The following SLC38A6 variants were observed in gnomAD, a reference collection of about 807,000 sequenced individuals.
The protein encoded by SLC38A6 is solute carrier family 38 member 6.
Under a neutral mutation model 65.0 loss-of-function variants are expected in SLC38A6, and 73 were observed. The ratio of observed to expected loss-of-function variants is 1.12; its 90% CI spans 0.93 to 1.37. SLC38A6 has a LOEUF of 1.37. Among genes scored for constraint, SLC38A6 ranks in the 40% most tolerant of loss-of-function variants. The pLI, the probability that SLC38A6 is intolerant of heterozygous loss-of-function variation, is 0.00. For missense variants in SLC38A6, 561 were observed against 531.1 expected, an observed-to-expected ratio of 1.06 and a Z score of -0.55; for synonymous variants, 183 against 178.8, an observed-to-expected ratio of 1.02 and a Z score of -0.19.
chr14:61,043,230 C>G lies in SLC38A6; in HGVS notation c.690+18C>G, dbSNP rs752241058. ...GTTTCCAGGTAATAGCTTATATTTT[C>G]TTTTCAGTTTCTTCCTTTTTATTTT... On this transcript the variant is annotated intron_variant, in intron 9 of 15. Transcript: ENST00000267488. 5.0e-6 allele frequency: 7 copies of G among 1,403,600 alleles called. No homozygotes were observed. The South Asian group carries it at 9.0e-5, about 18-fold the overall frequency. 86.9% of individuals were successfully genotyped at this position (1,403,600 alleles called of 1,614,324 possible).
intron 3 of SLC38A6, among the ~76,000 whole-genome samples, chr14:61,012,853 G>A (rs1279016656): frequency 3.9e-5 from 6 of 152,256 alleles, no homozygotes; most frequent in Non-Finnish European, 7.4e-5. Flanking sequence ...AAAAGAATGT[G>A]TATTCTGTTG....
chr14:61,009,459 C>A lies in SLC38A6; in HGVS notation c.311-6445C>A, dbSNP rs538537890. On this transcript the variant is annotated intron_variant, in intron 3 of 15. Transcript: ENST00000267488. Reference sequence around the variant, plus strand: ...CGTGCAGGTTTGTTACATATGGATACATGTGCCATGTTGGCGTGCCGCACC... The same window carrying A: ...CGTGCAGGTTTGTTACATATGGATAAATGTGCCATGTTGGCGTGCCGCACC... Among the ~76,000 whole-genome samples, 4 of 152,240 alleles carry A rather than the reference C, an allele frequency of 2.6e-5. No individual in the cohort carries two copies. In the East Asian group the frequency reaches 7.7e-4, roughly 29 times the overall value.
intron 4 of SLC38A6, among the ~76,000 whole-genome samples, chr14:61,016,896 C>T (rs541765039): frequency 6.6e-6 from 1 of 152,164 alleles, no homozygotes; most frequent in East Asian, 1.9e-4. Flanking sequence ...ACATACTTAC[C>T]ATTTTTTGTT....
chr14:61,046,854 A>G (rs2042180113), intron 12 of SLC38A6, among the ~76,000 whole-genome samples: 1 of 152,190 alleles, frequency 6.6e-6, no homozygotes, highest in Admixed American at 6.5e-5. Flanking sequence ...CATTATTTCC[A>G]ATGTGAGCAT....
At chr14:60,982,785 C>T (rs1334905826) in intron 2 of SLC38A6, 147 bp downstream of exon 2, 1 of 889,760 alleles carries the variant, frequency 1.1e-6, no homozygotes, top group Non-Finnish European at 1.6e-6. Context: ...ATTCTTGTTG[C>T]TAGTGTGTAC....
intron 5 of SLC38A6, among the ~76,000 whole-genome samples, chr14:61,022,630 T>C (rs1209425121): frequency 2.0e-5 from 3 of 152,102 alleles, no homozygotes; most frequent in African/African-American, 7.2e-5. Context: ...TTTTTACACA[T>C]CTTAAGTGCC....
chr14:60,995,911 A>G (rs1380693841), intron 3 of SLC38A6, among the ~76,000 whole-genome samples: 3 of 152,224 alleles, frequency 2.0e-5, no homozygotes, highest in Non-Finnish European at 4.4e-5. Flanking sequence ...CCTCACCTTT[A>G]GGACAGTGAA....
intron 1 of SLC38A6, 92 bp downstream of exon 1, chr14:60,981,474 G>A: frequency 1.3e-6 from 2 of 1,539,980 alleles, no homozygotes; most frequent in Non-Finnish European, 8.7e-7. Context: ...GGACCGCACC[G>A]GGACAGGGGA....
At chr14:61,015,508 A>T (rs1398394741) in intron 3 of SLC38A6, among the ~76,000 whole-genome samples, 1 of 89,396 alleles carries the variant, frequency 1.1e-5, no homozygotes, top group African/African-American at 4.1e-5. Context: ...TGAGAGAAAG[A>T]ATCTTTCAGA....
At chr14:61,013,452 G>T (rs1055548964) in intron 3 of SLC38A6, among the ~76,000 whole-genome samples, 1 of 152,250 alleles carries the variant, frequency 6.6e-6, no homozygotes, top group African/African-American at 2.4e-5. Context: ...TATTTTGCTC[G>T]TTAGTTGATG....
chr14:60,996,518 T>C (rs951048461), intron 3 of SLC38A6, among the ~76,000 whole-genome samples: 8 of 152,046 alleles, frequency 5.3e-5, no homozygotes, highest in Admixed American at 2.0e-4. Context: ...AACATGCAAA[T>C]AATAGAAATT....
intron 12 of SLC38A6, among the ~76,000 whole-genome samples, chr14:61,046,702 G>A (rs2042170285): frequency 6.6e-6 from 1 of 151,968 alleles, no homozygotes; most frequent in South Asian, 2.1e-4. Flanking sequence ...ATTTTTACAG[G>A]TTCTTTTAAA....
At chr14:60,982,705 A>C in intron 2 of SLC38A6, 67 bp downstream of exon 2, 6 of 1,490,078 alleles carry the variant, frequency 4.0e-6, no homozygotes, top group Non-Finnish European at 5.4e-6. Flanking sequence ...AAGTAGAGAG[A>C]TAGATTCCAG....
At chr14:61,003,459 T>C (rs2038849586) in intron 3 of SLC38A6, among the ~76,000 whole-genome samples, 1 of 152,190 alleles carries the variant, frequency 6.6e-6, no homozygotes, top group South Asian at 2.1e-4. Context: ...TATCTTTGCA[T>C]ATAATGATTT....
intron 16 of SLC38A6, among the ~76,000 whole-genome samples, chr14:61,080,446 T>G (rs536642532): frequency 6.6e-6 from 1 of 152,324 alleles, no homozygotes; most frequent in Non-Finnish European, 1.5e-5. Context: ...CTTTGGAAAT[T>G]GTGCCTTCCA....
intron 3 of SLC38A6, among the ~76,000 whole-genome samples, chr14:61,008,931 T>C (rs539553715): frequency 1.3e-4 from 20 of 152,282 alleles, no homozygotes; most frequent in Admixed American, 1.0e-3. Context: ...GCAAGTACTG[T>C]ATAGTAAGAA....
chr14:61,041,839 G>T (rs1475002004), intron 8 of SLC38A6, among the ~76,000 whole-genome samples: 1 of 152,140 alleles, frequency 6.6e-6, no homozygotes, highest in Non-Finnish European at 1.5e-5. Context: ...GGTGGAGGTT[G>T]CAGTGAGCTG....
intron 8 of SLC38A6, among the ~76,000 whole-genome samples, chr14:61,041,538 G>A (rs1370172666): frequency 5.3e-5 from 8 of 152,140 alleles, no homozygotes; most frequent in Admixed American, 5.2e-4. Flanking sequence ...GGTACCTGGT[G>A]CACAGCAAGT....
At chr14:60,989,232 A>C (rs1227838753) in intron 3 of SLC38A6, among the ~76,000 whole-genome samples, 1 of 151,862 alleles carries the variant, frequency 6.6e-6, no homozygotes, top group African/African-American at 2.4e-5. Context: ...CTACCCCCCA[A>C]CTTGTGCTAT....
Sources: allele counts gnomAD v4.1 joint callset (sites outside exome capture counted in the v4.1 genomes callset), GRCh38; gene constraint gnomAD v4.1.1; transcripts MANE v1.5; gene names NCBI Gene and HGNC (gene_info 2026-07-23, HGNC 2026-07-21).